UBAC2: variants seen among roughly 807,000 people sequenced by gnomAD.
UBAC2 encodes the protein ubiquitin-associated domain-containing protein 2.
Under a neutral mutation model 44.0 loss-of-function variants are expected in UBAC2, and 26 were observed. That is an observed-to-expected ratio of 0.59 (90% CI 0.43 to 0.82). The LOEUF is 0.82. UBAC2 is among the 40% of genes least tolerant of loss of function. The pLI is 0.00. For missense variants in UBAC2, 329 were observed against 419.4 expected (o/e 0.78, Z 1.88); for synonymous variants, 155 against 154.3 (o/e 1.00, Z -0.04).
At chr13:99,262,755 T>G (rs1450792631) in intron 4 of UBAC2, among the ~76,000 whole-genome samples, 11 of 118,402 alleles carry the variant, frequency 9.3e-5, no homozygotes, top group African/African-American at 3.5e-4. Flanking sequence ...TTGTGGAAGG[T>G]AAAGGAACAA....
intron 8 of UBAC2, among the ~76,000 whole-genome samples, chr13:99,375,209 T>G (rs2045463829): frequency 6.6e-6 from 1 of 152,040 alleles, no homozygotes; most frequent in Non-Finnish European, 1.5e-5. Context: ...ACACAGTTGG[T>G]CTCAGAGCAG....
At chr13:99,221,290 T>A (rs1462748727) in intron 1 of UBAC2, among the ~76,000 whole-genome samples, 2 of 152,248 alleles carry the variant, frequency 1.3e-5, no homozygotes, top group African/African-American at 4.8e-5. Context: ...GCAGTCTTTT[T>A]ATATTTCGTT....
intron 1 of UBAC2, among the ~76,000 whole-genome samples, chr13:99,228,456 G>A (rs11839604): frequency 1.0e-3 from 155 of 151,978 alleles, no homozygotes; most frequent in African/African-American, 3.6e-3. Context: ...ACCACGCCCG[G>A]CTAATTTTTG....
chr13:99,305,986 C>T (rs1594109715), intron 4 of UBAC2, among the ~76,000 whole-genome samples: 2 of 152,252 alleles, frequency 1.3e-5, no homozygotes, highest in Non-Finnish European at 2.9e-5. Flanking sequence ...ACCTCCGCCT[C>T]CCAGGTTCAA....
At chr13:99,326,228 C>T (rs1228078003) in intron 6 of UBAC2, among the ~76,000 whole-genome samples, 1 of 152,168 alleles carries the variant, frequency 6.6e-6, no homozygotes, top group Non-Finnish European at 1.5e-5. Flanking sequence ...TTTATAATAG[C>T]CATCCCAGCA....
chr13:99,201,217 C>G, intron 1 of UBAC2: 26 of 1,426,534 alleles, frequency 1.8e-5, no homozygotes, highest in Non-Finnish European at 2.3e-5. Flanking sequence ...GGGGCCGCTG[C>G]AAGTGGGCAG....
At chr13:99,211,452 T>C (rs2042936206) in intron 1 of UBAC2, among the ~76,000 whole-genome samples, 4 of 152,246 alleles carry the variant, frequency 2.6e-5, no homozygotes, top group Admixed American at 2.6e-4. Context: ...GGGTGCTACA[T>C]GTCTATATGG....
chr13:99,256,458 C>T (rs188543330), intron 4 of UBAC2: 2 of 152,126 alleles, frequency 1.3e-5, no homozygotes, highest in East Asian at 1.9e-4. Context: ...GTACGTAAAG[C>T]CAAGTCTTCC....
chr13:99,286,773 C>T (rs868567332), intron 4 of UBAC2, among the ~76,000 whole-genome samples: 5 of 152,198 alleles, frequency 3.3e-5, no homozygotes, highest in Non-Finnish European at 5.9e-5. Context: ...TTTGCTGTTG[C>T]CACGTTATTC....
Position 99,296,015 on chromosome 13 carries a change from A to G in UBAC2, c.390-18082A>G, listed in dbSNP as rs375406376. The G allele has an allele frequency of 5.2e-5, 84 of 1,614,190 alleles. No individual in the cohort carries two copies. The highest frequency in any genetic ancestry group is 3.1e-4 in the South Asian group (28 of 91,086). On this transcript the variant is annotated intron_variant, in intron 4 of 8. Coordinates refer to ENST00000403766, the MANE Select transcript of UBAC2 (RefSeq NM_001144072.2). ...GGCTAGTAAGTTTCCCACGAGCCCA[A>G]TGATGAAGACGAGGCTGTAATGCAG...
chr13:99,221,298 G>A (rs759128579), intron 1 of UBAC2, among the ~76,000 whole-genome samples: 3 of 152,036 alleles, frequency 2.0e-5, no homozygotes, highest in South Asian at 2.1e-4. Context: ...TTTATATTTC[G>A]TTCACAATTA....
rs371286261 is a variant in UBAC2, at chr13:99,205,766, C to T, written c.31+4827C>T. 54 of 165,128 alleles carry T rather than the reference C, an allele frequency of 3.3e-4. 1 individual carries two copies. The highest frequency in any genetic ancestry group is 2.1e-3 in the South Asian group (10 of 4,860). The allele number at this position is 165,128 out of a possible 1,614,324, so 10.2% of individuals were successfully genotyped here. ...ACCCCATTGATCGCCAGAGTTGATT[C>T]GGCTGATCTGGCTGGCTAGGCGGGT... On this transcript the variant is annotated intron_variant, in intron 1 of 8. Coordinates refer to ENST00000403766, the MANE Select transcript of UBAC2 (RefSeq NM_001144072.2).
chr13:99,277,486 T>C (rs1312955671), intron 4 of UBAC2, among the ~76,000 whole-genome samples: 1 of 152,096 alleles, frequency 6.6e-6, no homozygotes, highest in Non-Finnish European at 1.5e-5. Flanking sequence ...GATCACACCA[T>C]TGTACTCCAG....
At chr13:99,342,120 A>G (rs1186349669) in intron 7 of UBAC2, among the ~76,000 whole-genome samples, 1 of 152,220 alleles carries the variant, frequency 6.6e-6, no homozygotes, top group Non-Finnish European at 1.5e-5. Flanking sequence ...CGTCAGCATC[A>G]GTATCTATGG....
At chr13:99,229,313 G>T (rs2043147014) in intron 1 of UBAC2, among the ~76,000 whole-genome samples, 1 of 152,238 alleles carries the variant, frequency 6.6e-6, no homozygotes. Context: ...ATTTAGATAA[G>T]GGAGTATCTG....
Position 99,295,709 on chromosome 13 carries a change from T to C in UBAC2, c.390-18388T>C. The C allele has an allele frequency of 1.2e-6, 2 of 1,614,200 alleles. No individual in the cohort carries two copies. The highest frequency in any genetic ancestry group is 4.5e-5 in the East Asian group (2 of 44,892). On this transcript the variant is annotated intron_variant, in intron 4 of 8. Coordinates refer to ENST00000403766, the MANE Select transcript of UBAC2 (RefSeq NM_001144072.2). This position sits in a 1 kb window ranked among gnomAD's most constrained non-coding sequence, Gnocchi z 4.1. Reference sequence around the variant, plus strand: ...AAATATGCACACGCCTTTTGCATGTTCAATCCTTTTTATCTTGTTGTAGCG... The same window carrying C: ...AAATATGCACACGCCTTTTGCATGTCCAATCCTTTTTATCTTGTTGTAGCG...
At chr13:99,279,033 G>T (rs1164752438) in intron 4 of UBAC2, among the ~76,000 whole-genome samples, 1 of 152,154 alleles carries the variant, frequency 6.6e-6, no homozygotes, top group African/African-American at 2.4e-5. Context: ...GAGAAAAGTA[G>T]ACTTTAGTCT....
At chr13:99,333,699 A>G (rs956213861) in intron 6 of UBAC2, among the ~76,000 whole-genome samples, 5 of 152,162 alleles carry the variant, frequency 3.3e-5, no homozygotes, top group African/African-American at 9.7e-5. Flanking sequence ...TGGGGTATCC[A>G]TATTCTTCAC....
At chr13:99,345,190 A>C (rs1384405449) in intron 7 of UBAC2, among the ~76,000 whole-genome samples, 1 of 152,214 alleles carries the variant, frequency 6.6e-6, no homozygotes, top group Non-Finnish European at 1.5e-5. Flanking sequence ...ACATGTGGGC[A>C]GATATGTAGT....
Sources: gnomAD v4.1 joint callset for allele counts (sites outside exome capture counted in the v4.1 genomes callset) on GRCh38, gnomAD v4.1.1 for gene constraint, Gnocchi (gnomAD v3.1) non-coding constraint, MANE v1.5 for transcripts, NCBI Gene and HGNC (gene_info 2026-07-23, HGNC 2026-07-21) for gene names.